The following PAM variants were observed in gnomAD, a reference collection of about 807,000 sequenced individuals.
PAM encodes peptidylglycine alpha-amidating monooxygenase.
PAM carries 72 observed loss-of-function variants against 122.1 expected under a neutral mutation model. That is an observed-to-expected ratio of 0.59 (90% CI 0.49 to 0.72). The LOEUF (loss-of-function observed/expected upper bound fraction) is 0.72. Ranked by LOEUF, PAM falls within the 30% of genes least tolerant of loss-of-function variation. PAM has a pLI of 0.00. For synonymous variants in PAM, 389 were observed against 404.4 expected (o/e 0.96, Z 0.46); for missense variants, 1,106 against 1,183.7 (o/e 0.93, Z 0.96).
At position 102,755,878 on chromosome 5, in the gene PAM, C is replaced by T. The variant is rs139611836; in HGVS notation, c.-374+530C>T. ...GCCGGGAAGCAGTGGAAATTCCTTC[C>T]CCTCTTTCTTTCCCGTCCTTGCCCA... On this transcript the variant is annotated intron_variant, in intron 1 of 25. Coordinates refer to ENST00000438793, the MANE Select transcript of PAM (RefSeq NM_001177306.2). Among the ~76,000 whole-genome samples, 1,051 of 152,160 alleles carry T rather than the reference C, an allele frequency of 6.9e-3. 9 individuals are homozygous for T. The highest frequency in any genetic ancestry group is 0.013 in the Non-Finnish European group (882 of 68,004).
intron 15 of PAM, among the ~76,000 whole-genome samples, chr5:102,979,056 A>G (rs1022949611): frequency 2.0e-5 from 3 of 150,422 alleles, no homozygotes; most frequent in East Asian, 1.9e-4. Context: ...ACACACACAC[A>G]CACACGCACA....
chr5:102,852,055 T>C (rs1781465975), intron 1 of PAM, among the ~76,000 whole-genome samples: 1 of 152,184 alleles, frequency 6.6e-6, no homozygotes, highest in African/African-American at 2.4e-5. Flanking sequence ...GCATAACCAA[T>C]GTGGAAGCTG....
chr5:102,777,211 GA>G (rs1362963912), intron 1 of PAM, among the ~76,000 whole-genome samples: 1 of 152,036 alleles, frequency 6.6e-6, no homozygotes, highest in African/African-American at 2.4e-5. Context: ...AATCTAGAGA[GA>G]AAGGGGAGTT....
chr5:102,770,595 T>C (rs1755475580), intron 1 of PAM, among the ~76,000 whole-genome samples: 1 of 152,282 alleles, frequency 6.6e-6, no homozygotes, highest in African/African-American at 2.4e-5. Context: ...TTTTATCATA[T>C]GCTTTTCCAG....
chr5:102,882,120 T>C, intron 3 of PAM, among the ~76,000 whole-genome samples: 1 of 122,250 alleles, frequency 8.2e-6, no homozygotes, highest in African/African-American at 3.1e-5. Context: ...TACACCACAT[T>C]TTCTTTATCC....
At chr5:102,985,115 CCT>C (rs1771327628) in intron 15 of PAM, among the ~76,000 whole-genome samples, 1 of 151,834 alleles carries the variant, frequency 6.6e-6, no homozygotes, top group Non-Finnish European at 1.5e-5. Context: ...GCAGTAAATA[CCT>C]ACATCAAAGA....
At chr5:102,915,524 C>T (rs1262528444) in intron 5 of PAM, among the ~76,000 whole-genome samples, 1 of 152,110 alleles carries the variant, frequency 6.6e-6, no homozygotes, top group African/African-American at 2.4e-5. Context: ...CGTTTATACT[C>T]TTCAGTAAAT....
chr5:102,977,324 A>G (rs548760311), intron 15 of PAM, among the ~76,000 whole-genome samples: 1 of 152,274 alleles, frequency 6.6e-6, no homozygotes, highest in Non-Finnish European at 1.5e-5. Context: ...GTGGTCACCA[A>G]GCTACATGAA....
chr5:102,772,402 C>T (rs1580868261), intron 1 of PAM, among the ~76,000 whole-genome samples: 1 of 152,176 alleles, frequency 6.6e-6, no homozygotes, highest in East Asian at 1.9e-4. Context: ...TTTGTGCTGT[C>T]TTCCTCATCC....
intron 20 of PAM, 67 bp downstream of exon 20, chr5:103,007,724 C>A: frequency 1.0e-6 from 1 of 956,900 alleles, no homozygotes; most frequent in Non-Finnish European, 1.6e-6. Context: ...ATTGTGTTAT[C>A]TTAATGTGCT....
intron 1 of PAM, among the ~76,000 whole-genome samples, chr5:102,797,824 A>T (rs1055622922): frequency 1.3e-5 from 2 of 152,180 alleles, no homozygotes; most frequent in African/African-American, 4.8e-5. Context: ...CCTTTCCTGT[A>T]TGCTTAGGCC....
chr5:102,789,051 C>G (rs935129819), intron 1 of PAM, among the ~76,000 whole-genome samples: 2 of 152,006 alleles, frequency 1.3e-5, no homozygotes, highest in African/African-American at 4.8e-5. Flanking sequence ...GAAAAGTTAG[C>G]TAATACTGGC....
chr5:102,803,538 G>C (rs547928652), intron 1 of PAM, among the ~76,000 whole-genome samples: 4 of 152,248 alleles, frequency 2.6e-5, no homozygotes, highest in African/African-American at 9.6e-5. Flanking sequence ...AGAGGTCCAG[G>C]TGAGGAGCAG....
chr5:103,025,265 G>T lies in PAM; in HGVS notation c.2620G>T (p.Val874Phe). 1 of 1,613,754 alleles carries T rather than the reference G, an allele frequency of 6.2e-7. No homozygotes were observed. The highest frequency in any genetic ancestry group is 8.5e-7 in the Non-Finnish European group (1 of 1,179,762). Residue 874 changes from valine to phenylalanine, a missense_variant, in exon 24 of 26, where the codon GTT (valine) becomes TTT (phenylalanine). Physicochemically the swap from Val to Phe is conservative, Grantham distance 50 (BLOSUM62 -1). This residue lies in a region of PAM where 333 missense variants were observed against 335.6 expected (regional missense o/e 0.99). Coordinates refer to ENST00000438793, the MANE Select transcript of PAM (RefSeq NM_001177306.2). ...TGTTGTTCTCATTACAACCCTTCTGGTTATTCCGGTGGTTGTCCTGCTGGC... is the reference window on the plus strand; with the variant it reads ...TGTTGTTCTCATTACAACCCTTCTGTTTATTCCGGTGGTTGTCCTGCTGGC... ...VPVVLITTLL[V>F]IPVVVLLAIA...
chr5:102,804,241 C>G (rs750592217), intron 1 of PAM, among the ~76,000 whole-genome samples: 9 of 152,016 alleles, frequency 5.9e-5, no homozygotes, highest in East Asian at 1.9e-4. Flanking sequence ...CACGGGGGAG[C>G]CTTTTAGAGT....
At chr5:102,885,938 T>C (rs1165456193) in intron 3 of PAM, among the ~76,000 whole-genome samples, 1 of 151,982 alleles carries the variant, frequency 6.6e-6, no homozygotes, top group Admixed American at 6.6e-5. Flanking sequence ...TCTAGCACTG[T>C]TTTAATGTTT....
At chr5:102,835,093 A>C (rs1019180204) in intron 1 of PAM, among the ~76,000 whole-genome samples, 1 of 152,120 alleles carries the variant, frequency 6.6e-6, no homozygotes, top group African/African-American at 2.4e-5. Context: ...ATTTTTAGTC[A>C]TTACTGGTAA....
At chr5:102,865,325 G>A (rs1457659948) in intron 1 of PAM, 1 of 152,184 alleles carries the variant, frequency 6.6e-6, no homozygotes, top group Non-Finnish European at 1.5e-5. Context: ...ATGTATATAA[G>A]CATGCCTTTG....
At chr5:102,971,644 G>C (rs1055587372) in intron 14 of PAM, among the ~76,000 whole-genome samples, 2 of 152,146 alleles carry the variant, frequency 1.3e-5, no homozygotes, top group Admixed American at 6.6e-5. Flanking sequence ...GAAATGAAAA[G>C]CCAATATGAG....
Sources: allele counts gnomAD v4.1 joint callset (sites outside exome capture counted in the v4.1 genomes callset), GRCh38; gene constraint gnomAD v4.1.1; regional missense constraint gnomAD v4.1.1; transcripts MANE v1.5; gene names NCBI Gene and HGNC (gene_info 2026-07-23, HGNC 2026-07-21).